Variants in DNER observed in about 807,000 individuals in gnomAD.
DNER encodes delta/notch like EGF repeat containing, also known as delta and Notch-like epidermal growth factor-related receptor.
In DNER, 33 loss-of-function variants were observed where a neutral mutation model predicts 78.2. That is an observed-to-expected ratio of 0.42 (90% CI 0.32 to 0.56). The LOEUF is 0.56. Among genes scored for constraint, DNER ranks in the 20% least tolerant of loss-of-function variants. The pLI is 0.11. For synonymous variants in DNER, 417 were observed against 384.8 expected, an observed-to-expected ratio of 1.08 and a Z score of -0.98; for missense variants, 918 against 975.3, an observed-to-expected ratio of 0.94 and a Z score of 0.78.
At chr2:229,387,886 TG>T (rs1351459141) in intron 11 of DNER, among the ~76,000 whole-genome samples, 53 of 126,450 alleles carry the variant, frequency 4.2e-4, no homozygotes, top group African/African-American at 1.4e-3. Context: ...TGTGTGTGTG[TG>T]TGTGTTTTTT....
intron 6 of DNER, among the ~76,000 whole-genome samples, chr2:229,499,630 T>C (rs920704155): frequency 7.2e-6 from 1 of 139,214 alleles, no homozygotes; most frequent in Non-Finnish European, 1.6e-5. Flanking sequence ...AAAAAAAAAA[T>C]AGAAGAGCTC....
chr2:229,534,405 G>A (rs562815446), intron 5 of DNER, among the ~76,000 whole-genome samples: 27 of 152,292 alleles, frequency 1.8e-4, no homozygotes, highest in African/African-American at 6.0e-4. Context: ...AGATTGTAAT[G>A]AAACAGACCA....
chr2:229,481,271 T>C (rs929400469), intron 6 of DNER, among the ~76,000 whole-genome samples: 36 of 152,206 alleles, frequency 2.4e-4, no homozygotes, highest in Non-Finnish European at 4.9e-4. Flanking sequence ...CCAGGTATTA[T>C]TCTTGGCCTC....
At chr2:229,379,521 G>C (rs1574814767) in intron 11 of DNER, among the ~76,000 whole-genome samples, 1 of 152,120 alleles carries the variant, frequency 6.6e-6, no homozygotes, top group African/African-American at 2.4e-5. Context: ...TTTTTACAAT[G>C]ATAGGATTTC....
chr2:229,387,586 A>C (rs1007610597), intron 11 of DNER, among the ~76,000 whole-genome samples: 1 of 152,070 alleles, frequency 6.6e-6, no homozygotes, highest in South Asian at 2.1e-4. Flanking sequence ...GAAGGAAGGA[A>C]GGAAAGAAGG....
chr2:229,646,424 A>G lies in DNER; in HGVS notation c.277-54536T>C, dbSNP rs189795930. On this transcript the variant is annotated intron_variant, in intron 1 of 12. Transcript: ENST00000341772. ...TGCAGAATCCCAAACATCAAAACTG[A>G]TAAGTCAAACAACCATAAATTTGCA... 3.3e-5 allele frequency among the ~76,000 whole-genome samples: 5 copies of G among 152,374 alleles called. No homozygotes were observed. In the East Asian group the frequency reaches 9.6e-4, roughly 29 times the overall value.
chr2:229,707,393 C>T (rs1003653994), intron 1 of DNER, among the ~76,000 whole-genome samples: 2 of 152,086 alleles, frequency 1.3e-5, no homozygotes, highest in Non-Finnish European at 1.5e-5. Context: ...AGAGCTACTG[C>T]AAAGCATTTA....
intron 6 of DNER, among the ~76,000 whole-genome samples, chr2:229,509,370 T>C (rs1189625600): frequency 1.3e-5 from 2 of 152,238 alleles, no homozygotes; most frequent in East Asian, 3.8e-4. Context: ...AGGAATAGCT[T>C]AAAACATCTG....
chr2:229,387,313 C>A (rs1408064151), intron 11 of DNER, among the ~76,000 whole-genome samples: 1 of 151,974 alleles, frequency 6.6e-6, no homozygotes, highest in Non-Finnish European at 1.5e-5. Context: ...ACATCACACA[C>A]TGGGGCCTGT....
intron 6 of DNER, among the ~76,000 whole-genome samples, chr2:229,506,197 C>A (rs529659268): frequency 6.3e-5 from 9 of 143,290 alleles, no homozygotes; most frequent in African/African-American, 2.4e-4. Context: ...GGCTGGGGGG[C>A]CTCAAGAAAC....
intron 11 of DNER, among the ~76,000 whole-genome samples, chr2:229,380,609 C>A (rs1692714601): frequency 1.3e-5 from 2 of 152,130 alleles, no homozygotes; most frequent in Admixed American, 1.3e-4. Flanking sequence ...AAAGTTGAAT[C>A]TTTAACAGTT....
chr2:229,453,920 T>TAAAAAAAAAAA (rs10602558), intron 7 of DNER, among the ~76,000 whole-genome samples: 18 of 106,866 alleles, frequency 1.7e-4, no homozygotes, highest in South Asian at 3.9e-4. Context: ...TAAAATATAT[T>TAAAAAAAAAAA]AAAAAAAAAA....
chr2:229,658,258 G>A (rs1698945574), intron 1 of DNER, among the ~76,000 whole-genome samples: 1 of 152,154 alleles, frequency 6.6e-6, no homozygotes. Flanking sequence ...TTTTATTCAA[G>A]CATCTTCTGA....
chr2:229,555,338 C>T (rs1032705011), intron 4 of DNER, among the ~76,000 whole-genome samples: 9 of 152,166 alleles, frequency 5.9e-5, no homozygotes, highest in African/African-American at 1.9e-4. Context: ...AGACACCTTA[C>T]ACCTCTCCCA....
At chr2:229,649,812 C>T (rs933714848) in intron 1 of DNER, among the ~76,000 whole-genome samples, 6 of 152,158 alleles carry the variant, frequency 3.9e-5, no homozygotes, top group Non-Finnish European at 5.9e-5. Context: ...CGGTGGCTCA[C>T]GCCTGTAATC....
chr2:229,610,077 T>A (rs1245162673), intron 1 of DNER, among the ~76,000 whole-genome samples: 1 of 152,242 alleles, frequency 6.6e-6, no homozygotes, highest in African/African-American at 2.4e-5. Context: ...TTTTAAGTTC[T>A]GTTTGACGTA....
chr2:229,582,645 A>G (rs1697423305), intron 4 of DNER, among the ~76,000 whole-genome samples: 2 of 152,090 alleles, frequency 1.3e-5, no homozygotes, highest in African/African-American at 2.4e-5. Context: ...TTAATATATC[A>G]AAGTTCTTTT....
intron 7 of DNER, among the ~76,000 whole-genome samples, chr2:229,448,794 A>G (rs1484045105): frequency 6.6e-6 from 1 of 152,200 alleles, no homozygotes; most frequent in Non-Finnish European, 1.5e-5. Flanking sequence ...CAAATTTTAG[A>G]AATAAAAGTT....
chr2:229,611,434 G>A (rs1311801797), intron 1 of DNER, among the ~76,000 whole-genome samples: 3 of 152,132 alleles, frequency 2.0e-5, no homozygotes, highest in African/African-American at 4.8e-5. Flanking sequence ...CATAAAATGG[G>A]TCACTTTATA....
Sources: gnomAD v4.1 joint callset for allele counts (sites outside exome capture counted in the v4.1 genomes callset) on GRCh38, gnomAD v4.1.1 for gene constraint, MANE v1.5 for transcripts, NCBI Gene and HGNC (gene_info 2026-07-23, HGNC 2026-07-21) for gene names.